The following MED12L variants were observed in gnomAD, a reference collection of about 807,000 sequenced individuals.
MED12L encodes mediator of RNA polymerase II transcription subunit 12-like protein.
Under a neutral mutation model 281.3 loss-of-function variants are expected in MED12L, and 60 were observed. The observed-to-expected ratio is 0.21, with a 90% CI of 0.17 to 0.26. MED12L has a LOEUF of 0.26. Ranked by LOEUF, MED12L falls within the 10% of genes least tolerant of loss-of-function variation. The probability of loss-of-function intolerance (pLI) is 1.00; values close to 1 mark genes in which losing one functional copy is unlikely to be tolerated. For synonymous variants in MED12L, 974 were observed against 987.2 expected, an observed-to-expected ratio of 0.99 and a Z score of 0.25; for missense variants, 2,146 against 2,680.9, an observed-to-expected ratio of 0.80 and a Z score of 4.41.
intron 2 of MED12L, among the ~76,000 whole-genome samples, chr3:151,093,399 T>G (rs2148623247): frequency 6.6e-6 from 1 of 152,356 alleles, no homozygotes; most frequent in South Asian, 2.1e-4. Context: ...TAAACAAGCT[T>G]TCTAGGTGAT....
intron 16 of MED12L, among the ~76,000 whole-genome samples, chr3:151,344,564 TTTC>T (rs1364094045): frequency 6.6e-6 from 1 of 152,206 alleles, no homozygotes; most frequent in Non-Finnish European, 1.5e-5. Flanking sequence ...TTTTACTGCT[TTTC>T]TTAGAGACGT....
At chr3:151,306,363 G>T (rs1181568753) in intron 16 of MED12L, among the ~76,000 whole-genome samples, 1 of 152,186 alleles carries the variant, frequency 6.6e-6, no homozygotes, top group Non-Finnish European at 1.5e-5. Context: ...GCTTTTCTCT[G>T]TGCCTGCCCC....
At chr3:151,195,571 A>G (rs899015937) in intron 16 of MED12L, among the ~76,000 whole-genome samples, 17 of 152,204 alleles carry the variant, frequency 1.1e-4, no homozygotes, top group African/African-American at 3.9e-4. Flanking sequence ...TTATAATATA[A>G]TGGAATAATC....
intron 2 of MED12L, among the ~76,000 whole-genome samples, chr3:151,115,370 A>C (rs1197511997): frequency 3.5e-5 from 3 of 86,290 alleles, no homozygotes; most frequent in Admixed American, 1.9e-4. Context: ...TTTTTTTGAG[A>C]TGGAGTCTCA....
chr3:151,335,436 A>G (rs537903638), intron 16 of MED12L, among the ~76,000 whole-genome samples: 20 of 152,348 alleles, frequency 1.3e-4, no homozygotes, highest in African/African-American at 4.6e-4. Flanking sequence ...TGTGGGCTAT[A>G]GTTTGCCAAC....
At chr3:151,348,802 G>C (rs543142145) in intron 16 of MED12L, among the ~76,000 whole-genome samples, 1 of 152,220 alleles carries the variant, frequency 6.6e-6, no homozygotes, top group Non-Finnish European at 1.5e-5. Flanking sequence ...CAGGCGCTTA[G>C]TTTAACGCTA....
chr3:151,379,147 A>T (rs1014145987), intron 31 of MED12L, among the ~76,000 whole-genome samples: 2 of 152,178 alleles, frequency 1.3e-5, no homozygotes, highest in Non-Finnish European at 2.9e-5. Flanking sequence ...TGGTTGTTTT[A>T]CCATGTTGGC....
intron 16 of MED12L, chr3:151,198,844 A>G: frequency 6.2e-7 from 1 of 1,613,904 alleles, no homozygotes; most frequent in South Asian, 1.1e-5. Flanking sequence ...CACATATGAA[A>G]TTTGTCAGCA....
chr3:151,346,716 C>T (rs1752591194), intron 16 of MED12L, among the ~76,000 whole-genome samples: 2 of 152,138 alleles, frequency 1.3e-5, no homozygotes, highest in Admixed American at 6.5e-5. Flanking sequence ...CATCTCAGCT[C>T]TCTTAGCCCT....
chr3:151,432,849 A>C lies in MED12L; in HGVS notation c.*45A>C. 1 of 1,496,882 alleles carries C rather than the reference A, an allele frequency of 6.7e-7. No homozygotes were observed. Among genetic ancestry groups the C allele is most frequent in the Non-Finnish European group, 9.2e-7 (1 of 1,086,736 alleles). The allele number at this position is 1,496,882 out of a possible 1,614,324, so 92.7% of individuals were successfully genotyped here. On this transcript the variant is annotated 3_prime_UTR_variant, in exon 45 of 45. Coordinates refer to ENST00000687756, the MANE Select transcript of MED12L (RefSeq NM_001393769.1). ...ATGACGTTTTATGTTTGCACTGAAAAACAGAAAATCAAATTTAATGCATTA... is the reference window on the plus strand; with the variant it reads ...ATGACGTTTTATGTTTGCACTGAAACACAGAAAATCAAATTTAATGCATTA...
At position 151,086,877 on chromosome 3, in the gene MED12L, G is replaced by T; in HGVS notation, c.-50G>T. 1 of 1,456,448 alleles carries T rather than the reference G, an allele frequency of 6.9e-7. No homozygotes were observed. The highest frequency in any genetic ancestry group is 9.3e-7 in the Non-Finnish European group (1 of 1,071,438). 90.2% of individuals were successfully genotyped at this position (1,456,448 alleles called of 1,614,324 possible). A position where few individuals can be genotyped will look rare whatever the true frequency, so the allele number is the denominator to read the frequency against. On this transcript the variant is annotated 5_prime_UTR_variant, in exon 2 of 45. Transcript: ENST00000687756. ...TGCTGCTCCCTGGTGCTCAGAGGCG[G>T]CTGCTCCAGCTCCAACTCTCATTCA...
chr3:151,320,937 G>A (rs575884341), intron 16 of MED12L, among the ~76,000 whole-genome samples: 2 of 152,288 alleles, frequency 1.3e-5, no homozygotes, highest in African/African-American at 4.8e-5. Flanking sequence ...TGCCATGTAG[G>A]GTTGTAAAGC....
At chr3:151,365,559 C>T (rs1377473607) in intron 22 of MED12L, among the ~76,000 whole-genome samples, 1 of 151,788 alleles carries the variant, frequency 6.6e-6, no homozygotes, top group Non-Finnish European at 1.5e-5. Context: ...TTTTTGATGC[C>T]CTTAAAAATG....
At chr3:151,142,272 G>C (rs1471811933) in intron 5 of MED12L, among the ~76,000 whole-genome samples, 2 of 152,198 alleles carry the variant, frequency 1.3e-5, no homozygotes. Flanking sequence ...ATCAAATGAA[G>C]ATCAACTGTG....
intron 16 of MED12L, among the ~76,000 whole-genome samples, chr3:151,309,380 T>G (rs571533591): frequency 3.4e-4 from 52 of 152,170 alleles, no homozygotes; most frequent in Non-Finnish European, 6.5e-4. Flanking sequence ...TATTCACATT[T>G]CTTTTCTTGA....
In MED12L at chr3:151,215,124, T is replaced by C. The variant is rs989119664; in HGVS notation, c.2250+21458T>C. On this transcript the variant is annotated intron_variant, in intron 16 of 44. Coordinates refer to ENST00000687756, the MANE Select transcript of MED12L (RefSeq NM_001393769.1). ...TTTTCAATATTGAGCTTTTTTTTTT[T>C]CCCATTGAAAAACTGATTTGCATTA... 4.6e-5 allele frequency among the ~76,000 whole-genome samples: 7 copies of C among 152,110 alleles called. No homozygotes were observed. The South Asian group carries it at 1.2e-3, about 27-fold the overall frequency.
intron 16 of MED12L, chr3:151,328,543 CA>C (rs1749945764): frequency 6.2e-7 from 1 of 1,613,734 alleles, no homozygotes; most frequent in Non-Finnish European, 8.5e-7. Context: ...AGATGAAGAA[CA>C]AAAAGAACCA....
intron 3 of MED12L, among the ~76,000 whole-genome samples, chr3:151,122,561 C>T (rs532141534): frequency 2.0e-5 from 3 of 152,272 alleles, no homozygotes; most frequent in African/African-American, 4.8e-5. Context: ...TCCTTAACCC[C>T]CTCCGCCAAA....
chr3:151,412,901 A>G (rs1268705346), intron 41 of MED12L, among the ~76,000 whole-genome samples: 1 of 152,234 alleles, frequency 6.6e-6, no homozygotes, highest in Non-Finnish European at 1.5e-5. Flanking sequence ...AAACTATTAA[A>G]TGTTTAAAAA....
Sources: allele counts gnomAD v4.1 joint callset (sites outside exome capture counted in the v4.1 genomes callset), GRCh38; gene constraint gnomAD v4.1.1; transcripts MANE v1.5; gene names NCBI Gene and HGNC (gene_info 2026-07-23, HGNC 2026-07-21).